Variants in PLPP1 observed in about 807,000 individuals in gnomAD.
The protein encoded by PLPP1 is phospholipid phosphatase 1.
In PLPP1, 24 loss-of-function variants were observed where a neutral mutation model predicts 31.2. The ratio of observed to expected loss-of-function variants is 0.77; its 90% CI spans 0.56 to 1.08. PLPP1 has a LOEUF of 1.08. Among genes scored for constraint, PLPP1 ranks in the 50% least tolerant of loss-of-function variants. The pLI is 0.00. For missense variants in PLPP1, 319 were observed against 342.7 expected (o/e 0.93, Z 0.55); for synonymous variants, 146 against 126.3 (o/e 1.16, Z -1.05).
At chr5:55,498,391 G>T (rs1216803668) in intron 1 of PLPP1, among the ~76,000 whole-genome samples, 1 of 109,532 alleles carries the variant, frequency 9.1e-6, no homozygotes, top group Non-Finnish European at 2.0e-5. Flanking sequence ...TCGTGTCTCT[G>T]TGTACATATA....
rs924582262 is a variant in PLPP1 at position 55,428,058 on chromosome 5, A to G, written c.550-2019T>C. Reference sequence around the variant, plus strand: ...CACCTCAGCCTCCCAAAGTGCTGGGATTACAGGCATGAGCCACCACACCCA... The same window carrying G: ...CACCTCAGCCTCCCAAAGTGCTGGGGTTACAGGCATGAGCCACCACACCCA... On this transcript the variant is annotated intron_variant, in intron 4 of 5. Transcript: ENST00000307259. Among the ~76,000 whole-genome samples the G allele has an allele frequency of 3.3e-5, 5 of 152,282 alleles. No homozygotes were observed. In the East Asian group the frequency reaches 9.7e-4, roughly 29 times the overall value.
At chr5:55,479,408 G>T (rs1054283879) in intron 1 of PLPP1, among the ~76,000 whole-genome samples, 1 of 152,150 alleles carries the variant, frequency 6.6e-6, no homozygotes, top group Non-Finnish European at 1.5e-5. Flanking sequence ...CCCCTGGAAG[G>T]GGATGAAGAA....
chr5:55,437,894 G>A (rs926261799), intron 4 of PLPP1, among the ~76,000 whole-genome samples: 21 of 152,204 alleles, frequency 1.4e-4, no homozygotes, highest in Non-Finnish European at 2.9e-4. Context: ...ACAATGCTAG[G>A]AGGTATACAG....
At chr5:55,501,882 C>T (rs1259296967) in intron 1 of PLPP1, among the ~76,000 whole-genome samples, 1 of 152,094 alleles carries the variant, frequency 6.6e-6, no homozygotes, top group African/African-American at 2.4e-5. Context: ...TAGAAATAAC[C>T]TTGAGACTCA....
At chr5:55,494,045 C>CA (rs2111861389) in intron 1 of PLPP1, among the ~76,000 whole-genome samples, 1 of 151,934 alleles carries the variant, frequency 6.6e-6, no homozygotes, top group South Asian at 2.1e-4. Flanking sequence ...CTCCCAACTC[C>CA]AAAGAAAGAA....
chr5:55,520,755 G>A (rs1285351232), intron 1 of PLPP1, among the ~76,000 whole-genome samples: 3 of 152,220 alleles, frequency 2.0e-5, no homozygotes, highest in Non-Finnish European at 4.4e-5. Flanking sequence ...ACCAATATTA[G>A]AGTGTTTTCA....
chr5:55,443,249 A>G lies in PLPP1; in HGVS notation c.492-1341T>C, dbSNP rs962946518. 1.2e-4 allele frequency among the ~76,000 whole-genome samples: 18 copies of G among 144,272 alleles called. 1 individual carries two copies. The highest frequency in any genetic ancestry group is 9.9e-4 in the Admixed American group (14 of 14,186). 94.6% of individuals were successfully genotyped at this position (144,272 alleles called of 152,430 possible). On this transcript the variant is annotated intron_variant, in intron 3 of 5. Transcript: ENST00000307259. ...CACACACACACATATATATGATTCTACCAAGAATTTTGATTGTCTTTTTGT... is the reference window on the plus strand; with the variant it reads ...CACACACACACATATATATGATTCTGCCAAGAATTTTGATTGTCTTTTTGT...
chr5:55,481,329 A>G (rs1450232843), intron 1 of PLPP1, among the ~76,000 whole-genome samples: 1 of 152,224 alleles, frequency 6.6e-6, no homozygotes, highest in East Asian at 1.9e-4. Context: ...TTCACAAAAT[A>G]ATGTTTTAAG....
chr5:55,458,646 G>A (rs528854310), intron 3 of PLPP1, among the ~76,000 whole-genome samples: 2 of 152,202 alleles, frequency 1.3e-5, no homozygotes, highest in African/African-American at 4.8e-5. Flanking sequence ...CCAGCATTTA[G>A]GGAGGCCAAG....
Position 55,424,864 on chromosome 5 carries a change from C to T in PLPP1, c.*342G>A, listed in dbSNP as rs560434773. 4 of 883,720 alleles carry T rather than the reference C, an allele frequency of 4.5e-6. No individual in the cohort carries two copies. The East Asian group carries it at 1.0e-4, about 22-fold the overall frequency. 54.7% of individuals were successfully genotyped at this position (883,720 alleles called of 1,614,324 possible). ...GCCTGCAAGTGTGGATTTGGTTCTC[C>T]CATACATTTTAATATGTATTATATT... On this transcript the variant is annotated 3_prime_UTR_variant, in exon 6 of 6. Transcript: ENST00000307259.
intron 1 of PLPP1, among the ~76,000 whole-genome samples, chr5:55,508,664 C>T (rs972317377): frequency 1.3e-5 from 2 of 152,140 alleles, no homozygotes; most frequent in African/African-American, 4.8e-5. Flanking sequence ...CAGCATCGGC[C>T]ACTCAGAACA....
chr5:55,503,787 A>T (rs577061220), intron 1 of PLPP1, among the ~76,000 whole-genome samples: 3 of 120,286 alleles, frequency 2.5e-5, no homozygotes, highest in African/African-American at 9.2e-5. Context: ...AAAACGAAGG[A>T]GAGGAAGGGG....
At chr5:55,431,140 T>C (rs1280260027) in intron 4 of PLPP1, among the ~76,000 whole-genome samples, 1 of 152,192 alleles carries the variant, frequency 6.6e-6, no homozygotes, top group Non-Finnish European at 1.5e-5. Context: ...GAAAACCTAT[T>C]TGATTAAGTA....
At chr5:55,459,507 C>T (rs1445843972) in intron 3 of PLPP1, among the ~76,000 whole-genome samples, 2 of 152,180 alleles carry the variant, frequency 1.3e-5, no homozygotes, top group African/African-American at 4.8e-5. Flanking sequence ...GCACATGGAA[C>T]ATTCTCCAGA....
chr5:55,515,090 G>A (rs561733608), intron 1 of PLPP1, among the ~76,000 whole-genome samples: 18 of 152,270 alleles, frequency 1.2e-4, no homozygotes, highest in African/African-American at 3.8e-4. Context: ...TCAACTGTGC[G>A]ACCTAACACA....
chr5:55,533,699 T>C (rs1310357232), intron 1 of PLPP1, among the ~76,000 whole-genome samples: 1 of 152,246 alleles, frequency 6.6e-6, no homozygotes, highest in African/African-American at 2.4e-5. Flanking sequence ...GCTTTGTTTT[T>C]GTTTATTCCA....
At chr5:55,506,866 TTTAC>T (rs1467921415) in intron 1 of PLPP1, among the ~76,000 whole-genome samples, 1 of 152,224 alleles carries the variant, frequency 6.6e-6, no homozygotes, top group Non-Finnish European at 1.5e-5. Context: ...TTTTTGGCTC[TTTAC>T]TACTTTGTTA....
At chr5:55,433,629 AGCTGGGAGTACAGGCGCGT>A (rs1447936618) in intron 4 of PLPP1, among the ~76,000 whole-genome samples, 12 of 146,656 alleles carry the variant, frequency 8.2e-5, no homozygotes, top group Non-Finnish European at 1.5e-4. Flanking sequence ...CCTCCCAAGT[AGCTGGGAGTACAGGCGCGT>A]GCCACCACAC....
chr5:55,483,565 G>A (rs2111832057), intron 1 of PLPP1, among the ~76,000 whole-genome samples: 1 of 151,776 alleles, frequency 6.6e-6, no homozygotes, highest in African/African-American at 2.4e-5. Context: ...CCAGCTACTC[G>A]GGAAGCTGAG....
Sources: gnomAD v4.1 joint callset for allele counts (sites outside exome capture counted in the v4.1 genomes callset) on GRCh38, gnomAD v4.1.1 for gene constraint, MANE v1.5 for transcripts, NCBI Gene and HGNC (gene_info 2026-07-23, HGNC 2026-07-21) for gene names.